Variants in KMT2E observed in about 807,000 individuals in gnomAD.
KMT2E encodes the protein lysine methyltransferase 2E (inactive).
A neutral mutation model predicts 184.6 loss-of-function variants in KMT2E; 30 were observed. That is an observed-to-expected ratio of 0.16 (90% CI 0.12 to 0.22). The LOEUF is 0.22. Among genes scored for constraint, KMT2E ranks in the 10% least tolerant of loss-of-function variants. The probability of loss-of-function intolerance (pLI) is 1.00; values close to 1 mark genes in which losing one functional copy is unlikely to be tolerated. For synonymous variants in KMT2E, 815 were observed against 776.5 expected (o/e 1.05, Z -0.82); for missense variants, 2,023 against 2,237.4 (o/e 0.90, Z 1.93).
At chr7:105,030,168 G>A (rs1795348276) in intron 1 of KMT2E, among the ~76,000 whole-genome samples, 1 of 152,156 alleles carries the variant, frequency 6.6e-6, no homozygotes, top group Non-Finnish European at 1.5e-5. Context: ...GGTTAAGAAG[G>A]GAAGACATTA....
chr7:105,034,148 A>G (rs1795538354), intron 1 of KMT2E, among the ~76,000 whole-genome samples: 1 of 152,220 alleles, frequency 6.6e-6, no homozygotes, highest in Non-Finnish European at 1.5e-5. Flanking sequence ...TGGCAGGGAC[A>G]AATCTTATTC....
chr7:105,097,917 G>A (rs949995260), intron 15 of KMT2E, among the ~76,000 whole-genome samples: 1 of 152,158 alleles, frequency 6.6e-6, no homozygotes, highest in Non-Finnish European at 1.5e-5. Context: ...AAAGGTCACT[G>A]CTCTGGAAAA....
At chr7:105,036,290 A>C (rs1172245584) in intron 1 of KMT2E, among the ~76,000 whole-genome samples, 1 of 150,888 alleles carries the variant, frequency 6.6e-6, no homozygotes. Context: ...CTCGTGCCTC[A>C]GCCTCCCAAG....
At chr7:105,067,980 A>G (rs1053616236) in intron 6 of KMT2E, among the ~76,000 whole-genome samples, 3 of 152,158 alleles carry the variant, frequency 2.0e-5, no homozygotes, top group African/African-American at 7.2e-5. Flanking sequence ...TCAAAAAAAC[A>G]AAAAACCGCA....
At chr7:105,055,253 A>G (rs1796533393) in intron 3 of KMT2E, among the ~76,000 whole-genome samples, 2 of 116,608 alleles carry the variant, frequency 1.7e-5, no homozygotes, top group African/African-American at 6.9e-5. Context: ...GGGTCTCACT[A>G]TATTGCCCAG....
chr7:105,077,350 G>T lies in KMT2E; in HGVS notation c.1047G>T (p.Leu349Phe). Residue 349 changes from leucine (L) to phenylalanine (F), a missense_variant, in exon 11 of 27, where the codon TTG (leucine) becomes TTT (phenylalanine). Transcript: ENST00000311117. ...AAATTCTTAAATCTGCAAAAGATTT[G>T]CCTCCTGATGCACTTATCATTGAAT... ...NKKILKSAKDLPPDALIIEYR... is the reference protein window; with the variant it reads ...NKKILKSAKDFPPDALIIEYR... 6.2e-7 allele frequency: 1 copy of T among 1,609,686 alleles called. No individual in the cohort carries two copies. Among genetic ancestry groups the T allele is most frequent in the East Asian group, 2.2e-5 (1 of 44,778 alleles).
chr7:105,080,649 A>G (rs1048608368), intron 12 of KMT2E, among the ~76,000 whole-genome samples: 5 of 152,258 alleles, frequency 3.3e-5, no homozygotes, highest in African/African-American at 1.2e-4. Context: ...GAGTTAATAC[A>G]TATAAAGTAT....
chr7:105,069,646 A>G lies in KMT2E; in HGVS notation c.497+2839A>G, dbSNP rs184970599. 3.9e-5 allele frequency among the ~76,000 whole-genome samples: 6 copies of G among 152,336 alleles called. No homozygotes were observed. The East Asian group carries it at 1.2e-3, about 29-fold the overall frequency. ...TGTTCTGAGTTGTAGATTCACATGC[A>G]GTTGTGAAATAATGTAGAGTGAGCC... On this transcript the variant is annotated intron_variant, in intron 6 of 26. Coordinates refer to ENST00000311117, the MANE Select transcript of KMT2E (RefSeq NM_182931.3).
intron 6 of KMT2E, among the ~76,000 whole-genome samples, chr7:105,072,009 G>A (rs141762976): frequency 7.3e-4 from 111 of 152,062 alleles, no homozygotes; most frequent in African/African-American, 2.5e-3. Flanking sequence ...GTAAAAGTTG[G>A]TTAAAAAGTT....
chr7:105,052,667 T>C (rs1345497080), intron 3 of KMT2E, among the ~76,000 whole-genome samples: 1 of 152,174 alleles, frequency 6.6e-6, no homozygotes, highest in African/African-American at 2.4e-5. Flanking sequence ...CAAGCGATTC[T>C]CCTGCCTCAG....
intron 1 of KMT2E, among the ~76,000 whole-genome samples, chr7:105,028,669 T>G (rs1795272820): frequency 1.3e-5 from 2 of 152,052 alleles, no homozygotes; most frequent in Middle Eastern, 3.4e-3. Context: ...TGGCTAATTT[T>G]CATTTTTTGT....
rs753525899 is a variant in KMT2E at position 105,107,727 on chromosome 7, G to T, written c.3270G>T (p.Ser1090=). The change falls in exon 22 of 27, where the codon TCG becomes TCT. Residue 1090 remains serine, a synonymous_variant. Transcript: ENST00000311117. ...VNSNLRDLTP[S]HQLEVGGGFR... ...CCAACTTGAGGGACCTGACACCCTC[G>T]CATCAGTTGGAGGTTGGAGGAGGCT... The T allele has an allele frequency of 1.2e-6, 2 of 1,613,968 alleles. No individual in the cohort carries two copies. The highest frequency in any genetic ancestry group is 2.7e-5 in the African/African-American group (2 of 74,904).
chr7:105,105,687 C>T lies in KMT2E; in HGVS notation c.2445C>T (p.Cys815=), dbSNP rs1798869744. The T allele has an allele frequency of 4.4e-6, 7 of 1,596,360 alleles. No homozygotes were observed. The highest frequency in any genetic ancestry group is 1.4e-5 in the African/African-American group (1 of 73,650). Residue 815 remains cysteine, a synonymous_variant, in exon 18 of 27, where the codon TGC becomes TGT. Coordinates refer to ENST00000311117, the MANE Select transcript of KMT2E (RefSeq NM_182931.3). ...CTACTGAAAACATTTCTGGTTCATGCAAGAAGGTAAACTTTTCTTTGGAAG... is the reference window on the plus strand; with the variant it reads ...CTACTGAAAACATTTCTGGTTCATGTAAGAAGGTAAACTTTTCTTTGGAAG... ...KEPTENISGS[C]KKRWLKQALE... is the part of the protein sequence containing the mutation.
chr7:105,066,887 G>A, intron 6 of KMT2E, 80 bp downstream of exon 6: 2 of 1,064,774 alleles, frequency 1.9e-6, no homozygotes, highest in Admixed American at 1.7e-5. Context: ...TTATGAATTC[G>A]AGTTAAAAAA....
chr7:105,056,348 A>G (rs1472753056), intron 3 of KMT2E, among the ~76,000 whole-genome samples: 1 of 152,202 alleles, frequency 6.6e-6, no homozygotes, highest in Non-Finnish European at 1.5e-5. Flanking sequence ...TTCTAAATCC[A>G]AACCTCCAAA....
chr7:105,026,061 A>G (rs1795164936), intron 1 of KMT2E, among the ~76,000 whole-genome samples: 1 of 152,224 alleles, frequency 6.6e-6, no homozygotes, highest in South Asian at 2.1e-4. Flanking sequence ...AAACTAAAAA[A>G]TTGATAAGGA....
intron 17 of KMT2E, chr7:105,104,814 A>T (rs1798822045): frequency 6.6e-6 from 1 of 152,206 alleles, no homozygotes; most frequent in Non-Finnish European, 1.5e-5. Context: ...TAGAAGCGGT[A>T]GTAAACCTAA....
intron 1 of KMT2E, among the ~76,000 whole-genome samples, chr7:105,026,025 A>G (rs1034182617): frequency 6.6e-6 from 1 of 152,228 alleles, no homozygotes; most frequent in African/African-American, 2.4e-5. Flanking sequence ...CAGGGGAGCT[A>G]TACTCAAAGA....
chr7:105,112,362 C>G lies in KMT2E; in HGVS notation c.4606C>G (p.Gln1536Glu), dbSNP rs747590456. 1.2e-6 allele frequency: 2 copies of G among 1,613,208 alleles called. No homozygotes were observed. The highest frequency in any genetic ancestry group is 1.7e-6 in the Non-Finnish European group (2 of 1,180,026). The change falls in exon 27 of 27, where the codon CAA (glutamine) becomes GAA (glutamate). Residue 1536 changes from glutamine to glutamate, a missense_variant. Gln to Glu is a conservative substitution (Grantham distance 29, BLOSUM62 2). Around this residue, in one of 8 missense-constraint regions of KMT2E, gnomAD observed 1,108 missense variants for 1,050.9 expected, o/e 1.05. Coordinates refer to ENST00000311117, the MANE Select transcript of KMT2E (RefSeq NM_182931.3). ...TTCAGCAACATACAGTCAGTTTAAC[C>G]AACAAAGTCTGAACAGCACGGCACC... is the stretch of plus-strand genomic sequence containing the variant. Reference protein sequence around the residue: ...QSSATYSQFNQQSLNSTAPPP... With the variant: ...QSSATYSQFNEQSLNSTAPPP...
Sources: gnomAD v4.1 joint callset for allele counts (sites outside exome capture counted in the v4.1 genomes callset) on GRCh38, gnomAD v4.1.1 for gene constraint, gnomAD v4.1.1 regional missense constraint, MANE v1.5 for transcripts, NCBI Gene and HGNC (gene_info 2026-07-23, HGNC 2026-07-21) for gene names.